The following GPR155 variants were observed in gnomAD, a reference collection of about 807,000 sequenced individuals.
GPR155 encodes G protein-coupled receptor 155.
In GPR155, 65 loss-of-function variants were observed where a neutral mutation model predicts 93.1. The observed-to-expected ratio is 0.70, with a 90% CI of 0.57 to 0.86. GPR155 has a LOEUF of 0.86. GPR155 is among the 40% of genes least tolerant of loss of function. The probability of loss-of-function intolerance (pLI) is 0.00; values close to 1 mark genes in which losing one functional copy is unlikely to be tolerated. For missense variants in GPR155, 838 were observed against 1,034.8 expected (o/e 0.81, Z 2.61); for synonymous variants, 319 against 360.1 (o/e 0.89, Z 1.29).
chr2:174,472,633 T>C (rs1688028945), intron 3 of GPR155, among the ~76,000 whole-genome samples: 2 of 152,202 alleles, frequency 1.3e-5, no homozygotes, highest in Admixed American at 6.5e-5. Context: ...TTAGGGTCTT[T>C]ATGGATTTGG....
chr2:174,463,357 T>G (rs2105712297), intron 7 of GPR155, among the ~76,000 whole-genome samples: 1 of 152,186 alleles, frequency 6.6e-6, no homozygotes, highest in South Asian at 2.1e-4. Context: ...TGTACCAGCA[T>G]GCAAAGCTAA....
In GPR155 at chr2:174,453,659, C is replaced by CAAAAA. The variant is rs373620317; in HGVS notation, c.1876+73_1876+77dup. 5.7e-4 allele frequency: 247 copies of CAAAAA among 431,370 alleles called. 10 individuals are homozygous for CAAAAA. The highest frequency in any genetic ancestry group is 2.8e-3 in the Middle Eastern group (3 of 1,086). The allele number at this position is 431,370 out of a possible 1,614,324, so 26.7% of individuals were successfully genotyped here. On this transcript the variant is annotated intron_variant, in intron 11 of 15. Transcript: ENST00000392552. ...TGGGTGACAGAGCAAGACTCCGTCT[C>CAAAAA]AAAAAAAAGAAAAAAAAAAAAAAGA... is the stretch of plus-strand genomic sequence containing the variant.
chr2:174,446,866 A>G (rs566316507), intron 11 of GPR155, 119 bp from the exon 12 acceptor site: 8 of 875,926 alleles, frequency 9.1e-6, no homozygotes, highest in South Asian at 9.1e-5. Flanking sequence ...GAATCAGTAT[A>G]TTATTTTAGA....
chr2:174,443,486 T>C (rs1687026611), intron 13 of GPR155, among the ~76,000 whole-genome samples: 1 of 152,202 alleles, frequency 6.6e-6, no homozygotes, highest in Non-Finnish European at 1.5e-5. Flanking sequence ...ACCAGCACTT[T>C]GGGAGGCCAA....
intron 11 of GPR155, among the ~76,000 whole-genome samples, chr2:174,450,291 AGATGGTAAT>A (rs1262840874): frequency 1.3e-5 from 2 of 152,196 alleles, no homozygotes; most frequent in Middle Eastern, 3.2e-3. Flanking sequence ...ATGGACATAA[AGATGGTAAT>A]GATGGAAACT....
intron 2 of GPR155, among the ~76,000 whole-genome samples, chr2:174,473,954 G>T (rs1046288031): frequency 2.6e-5 from 4 of 152,208 alleles, no homozygotes; most frequent in African/African-American, 9.6e-5. Flanking sequence ...AACAGCTAAT[G>T]AGCTACTCAG....
At chr2:174,439,617 T>C (rs1258480162) in intron 15 of GPR155, among the ~76,000 whole-genome samples, 1 of 152,232 alleles carries the variant, frequency 6.6e-6, no homozygotes, top group African/African-American at 2.4e-5. Context: ...GTCAATATTC[T>C]ATGACATTTT....
rs774235380 is a variant in GPR155 at position 174,434,059 on chromosome 2, C to T, written c.*2057G>A. On this transcript the variant is annotated 3_prime_UTR_variant, in exon 16 of 16. Transcript: ENST00000392552. Reference sequence around the variant, plus strand: ...CACTGCAACCTCTGCCTCCTGGTTTCAAGCAATTTTCCTGCCTCAGCCTCC... The same window carrying T: ...CACTGCAACCTCTGCCTCCTGGTTTTAAGCAATTTTCCTGCCTCAGCCTCC... 1 of 150,264 alleles carries T rather than the reference C, an allele frequency of 6.7e-6. No homozygotes were observed. Among genetic ancestry groups the T allele is most frequent in the East Asian group, 2.0e-4 (1 of 5,094 alleles). The allele number at this position is 150,264 out of a possible 1,614,324, so 9.3% of individuals were successfully genotyped here. A position where few individuals can be genotyped will look rare whatever the true frequency, so the allele number is the denominator to read the frequency against.
chr2:174,474,563 C>T (rs1465209144), intron 2 of GPR155, among the ~76,000 whole-genome samples: 1 of 151,624 alleles, frequency 6.6e-6, no homozygotes, highest in East Asian at 2.0e-4. Context: ...ATTTCAACTG[C>T]TGTTCATTGA....
intron 1 of GPR155, among the ~76,000 whole-genome samples, chr2:174,484,792 T>C (rs1413609583): frequency 2.6e-5 from 4 of 152,160 alleles, no homozygotes; most frequent in Admixed American, 2.0e-4. Context: ...AGCTTAGTCA[T>C]GCGTGCCTGT....
At position 174,459,851 on chromosome 2, in the gene GPR155, ATAAAAATAAAAT is replaced by A; in HGVS notation, c.1771+15_1771+26del. ...TAGAGCAAGATTCTGTCTCAAATAAATAAAAATAAAATTAAAAAGATCATACTTGTTTCTGGA... is the reference window on the plus strand; with the variant it reads ...TAGAGCAAGATTCTGTCTCAAATAAATAAAAAGATCATACTTGTTTCTGGA... On this transcript the variant is annotated intron_variant, in intron 10 of 15. Transcript: ENST00000392552. The A allele has an allele frequency of 3.3e-6, 5 of 1,524,952 alleles. No individual in the cohort carries two copies. The highest frequency in any genetic ancestry group is 4.5e-6 in the Non-Finnish European group (5 of 1,103,916). 94.5% of individuals were successfully genotyped at this position (1,524,952 alleles called of 1,614,324 possible).
chr2:174,445,369 TCAAA>T lies in GPR155; in HGVS notation c.2014-197_2014-194del, dbSNP rs1687090789. ...AACCTCTCCTCCTGACAGATGTCAT[TCAAA>T]CAGTTATCTATTCTGATCAGATTTG... On this transcript the variant is annotated intron_variant, in intron 12 of 15. Transcript: ENST00000392552. The T allele has an allele frequency of 1.1e-5, 6 of 525,820 alleles. No homozygotes were observed. In the South Asian group the frequency reaches 1.2e-4, roughly 10 times the overall value. The allele number at this position is 525,820 out of a possible 1,614,324, so 32.6% of individuals were successfully genotyped here.
chr2:174,473,096 AT>A lies in GPR155; in HGVS notation c.728del (p.Asn243IlefsTer26). The part of the protein sequence containing the change: ...LDRKVPVYVE[N>X]FLDGLGNSFS... Reference sequence around the variant, plus strand: ...AAGAATTTCCAAGTCCATCAAGAAAATTTTCGACATATACAGGTACCTTTCG... The same window carrying A: ...AAGAATTTCCAAGTCCATCAAGAAAATTTCGACATATACAGGTACCTTTCG... On this transcript the variant is annotated frameshift_variant, in exon 3 of 16. Coordinates refer to ENST00000392552, the MANE Select transcript of GPR155 (RefSeq NM_152529.7). LOFTEE classifies it high-confidence loss of function. 1 of 1,602,196 alleles carries A rather than the reference AT, an allele frequency of 6.2e-7. No homozygotes were observed. Among genetic ancestry groups the A allele is most frequent in the Non-Finnish European group, 8.5e-7 (1 of 1,177,478 alleles).
chr2:174,470,597 AT>A (rs769040803), intron 3 of GPR155, 42 bp from the exon 4 acceptor site: 3 of 1,579,518 alleles, frequency 1.9e-6, no homozygotes, highest in Non-Finnish European at 2.6e-6. Flanking sequence ...ATATCAAAGC[AT>A]GGTTGTCCCC....
At chr2:174,441,017 T>C (rs1686943149) in intron 14 of GPR155, among the ~76,000 whole-genome samples, 1 of 139,444 alleles carries the variant, frequency 7.2e-6, no homozygotes, top group East Asian at 3.9e-4. Flanking sequence ...TCAAGTTTCA[T>C]TTAACTTTAT....
In GPR155 at chr2:174,445,773, G is replaced by A. The variant is rs554675170; in HGVS notation, c.2014-597C>T. Among the ~76,000 whole-genome samples, 22 of 152,148 alleles carry A rather than the reference G, an allele frequency of 1.4e-4. 2 individuals are homozygous for A. The South Asian group carries it at 2.3e-3, about 16-fold the overall frequency. ...GCATGTAGTCTAAAAATAAAATACT[G>A]TATTTTAATTTTCTCTATTTTGTAA... On this transcript the variant is annotated intron_variant, in intron 12 of 15. Coordinates refer to ENST00000392552, the MANE Select transcript of GPR155 (RefSeq NM_152529.7).
Position 174,435,210 on chromosome 2 carries a change from T to A in GPR155, c.*906A>T, listed in dbSNP as rs1363860202. ...TATTTATAGTACAGTTGACCCTCCA[T>A]ATGCACAGGTTCCACATCCATAGAT... On this transcript the variant is annotated 3_prime_UTR_variant, in exon 16 of 16. Coordinates refer to ENST00000392552, the MANE Select transcript of GPR155 (RefSeq NM_152529.7). The A allele has an allele frequency of 6.6e-6, 1 of 152,190 alleles. No homozygotes were observed. The highest frequency in any genetic ancestry group is 2.4e-5 in the African/African-American group (1 of 41,448). The allele number at this position is 152,190 out of a possible 1,614,324, so 9.4% of individuals were successfully genotyped here. A position where few individuals can be genotyped will look rare whatever the true frequency, so the allele number is the denominator to read the frequency against.
At chr2:174,463,762 T>C (rs1217536830) in intron 7 of GPR155, among the ~76,000 whole-genome samples, 1 of 152,240 alleles carries the variant, frequency 6.6e-6, no homozygotes, top group East Asian at 1.9e-4. Context: ...ACTGGGTTTG[T>C]AGTTTTGTTT....
intron 2 of GPR155, among the ~76,000 whole-genome samples, chr2:174,474,281 C>G (rs962355128): frequency 6.6e-6 from 1 of 152,150 alleles, no homozygotes; most frequent in African/African-American, 2.4e-5. Context: ...GCCAGTCCTA[C>G]CTTCCACTGC....
Sources: allele counts gnomAD v4.1 joint callset (sites outside exome capture counted in the v4.1 genomes callset), GRCh38; gene constraint gnomAD v4.1.1; transcripts MANE v1.5; gene names NCBI Gene and HGNC (gene_info 2026-07-23, HGNC 2026-07-21).